SLC44A3: variants seen among roughly 807,000 people sequenced by gnomAD.
The protein encoded by SLC44A3 is solute carrier family 44 member 3.
A neutral mutation model predicts 75.4 loss-of-function variants in SLC44A3; 74 were observed. That is an observed-to-expected ratio of 0.98 (90% CI 0.81 to 1.19). The LOEUF (loss-of-function observed/expected upper bound fraction) is 1.19. SLC44A3 is among the 50% of genes most tolerant of loss of function. The pLI, the probability that SLC44A3 is intolerant of heterozygous loss-of-function variation, is 0.00. For missense variants in SLC44A3, 700 were observed against 778.6 expected, an observed-to-expected ratio of 0.90 and a Z score of 1.20; for synonymous variants, 310 against 296.9, an observed-to-expected ratio of 1.04 and a Z score of -0.45.
At chr1:94,877,869 C>T (rs913548910) in intron 12 of SLC44A3, among the ~76,000 whole-genome samples, 13 of 152,174 alleles carry the variant, frequency 8.5e-5, no homozygotes, top group African/African-American at 3.1e-4. Context: ...CGGGATGCAC[C>T]CCAGTGTGGG....
chr1:94,826,395 T>C (rs1437659710), intron 3 of SLC44A3, among the ~76,000 whole-genome samples: 1 of 152,208 alleles, frequency 6.6e-6, no homozygotes, highest in Non-Finnish European at 1.5e-5. Flanking sequence ...CTCATGCCTG[T>C]AATCCCAACA....
chr1:94,822,483 T>C (rs1166130913), intron 2 of SLC44A3, among the ~76,000 whole-genome samples: 1 of 152,146 alleles, frequency 6.6e-6, no homozygotes, highest in African/African-American at 2.4e-5. Flanking sequence ...CAAGGAGTGT[T>C]TTGTTTTTGG....
chr1:94,889,946 G>A (rs1235798654), intron 12 of SLC44A3, among the ~76,000 whole-genome samples: 1 of 151,974 alleles, frequency 6.6e-6, no homozygotes, highest in Non-Finnish European at 1.5e-5. Flanking sequence ...CGCCTCCCGG[G>A]TTCAAGCAAT....
At chr1:94,830,229 T>C (rs1661941677) in intron 5 of SLC44A3, among the ~76,000 whole-genome samples, 1 of 152,224 alleles carries the variant, frequency 6.6e-6, no homozygotes, top group African/African-American at 2.4e-5. Flanking sequence ...TTCTTTTTTT[T>C]GAGACAGAGT....
intron 12 of SLC44A3, among the ~76,000 whole-genome samples, chr1:94,877,742 C>T (rs1028430062): frequency 3.3e-5 from 5 of 152,196 alleles, no homozygotes; most frequent in Non-Finnish European, 5.9e-5. Context: ...GTGGTTTCCT[C>T]TTCTCTGTCT....
At chr1:94,856,213 T>C (rs1304573461) in intron 9 of SLC44A3, among the ~76,000 whole-genome samples, 1 of 152,194 alleles carries the variant, frequency 6.6e-6, no homozygotes, top group Admixed American at 6.5e-5. Flanking sequence ...TGGCGCGATA[T>C]GTCTATGGGT....
intron 9 of SLC44A3, among the ~76,000 whole-genome samples, chr1:94,849,128 C>T (rs1420130901): frequency 6.6e-6 from 1 of 152,094 alleles, no homozygotes; most frequent in East Asian, 1.9e-4. Context: ...CAAGAGAGAC[C>T]TGGAGGTTAT....
chr1:94,833,757 TA>T lies in SLC44A3; in HGVS notation c.510-3942del, dbSNP rs1015200717. Among the ~76,000 whole-genome samples, 406 of 147,144 alleles carry T rather than the reference TA, an allele frequency of 2.8e-3. 1 individual carries two copies. Among genetic ancestry groups the T allele is most frequent in the African/African-American group, 7.9e-3 (320 of 40,360 alleles). The stretch of plus-strand genomic sequence containing the variant: ...GGATGGAGTCACATGACAAGTCTAG[TA>T]AAAAAAAAAAATTTCAACTCTTCAA... On this transcript the variant is annotated intron_variant, in intron 5 of 14. Coordinates refer to ENST00000271227, the MANE Select transcript of SLC44A3 (RefSeq NM_001114106.3).
intron 5 of SLC44A3, among the ~76,000 whole-genome samples, chr1:94,836,454 T>A (rs779273586): frequency 1.3e-5 from 2 of 152,240 alleles, no homozygotes; most frequent in Non-Finnish European, 2.9e-5. Context: ...ATAGCAAGGC[T>A]CTCAAGCCTC....
At chr1:94,836,497 A>G (rs1176309423) in intron 5 of SLC44A3, among the ~76,000 whole-genome samples, 2 of 152,238 alleles carry the variant, frequency 1.3e-5, no homozygotes, top group African/African-American at 4.8e-5. Flanking sequence ...GAATTAAGCT[A>G]ATAGTGTCAT....
intron 9 of SLC44A3, among the ~76,000 whole-genome samples, chr1:94,854,226 G>A (rs1665570424): frequency 6.6e-6 from 1 of 152,226 alleles, no homozygotes; most frequent in African/African-American, 2.4e-5. Flanking sequence ...GTTGCTTAGG[G>A]GACAGTGCAG....
At chr1:94,842,797 C>T (rs1663839890) in intron 8 of SLC44A3, among the ~76,000 whole-genome samples, 1 of 152,238 alleles carries the variant, frequency 6.6e-6, no homozygotes, top group Non-Finnish European at 1.5e-5. Context: ...TTCTGTGGAG[C>T]AGCTGCAGCC....
chr1:94,820,507 G>C lies in SLC44A3; in HGVS notation c.27+29G>C, dbSNP rs757187600. ...AGCGCTCGCAGCCTCGGCCCTCGGG[G>C]GAGGAGCCCCGGGGAAGGGTCGAGT... is the stretch of plus-strand genomic sequence containing the variant. On this transcript the variant is annotated intron_variant, in intron 1 of 14. Transcript: ENST00000271227. The C allele has an allele frequency of 3.4e-6, 5 of 1,487,098 alleles. No homozygotes were observed. In the African/African-American group the frequency reaches 4.3e-5, roughly 13 times the overall value. The allele number at this position is 1,487,098 out of a possible 1,614,324, so 92.1% of individuals were successfully genotyped here.
chr1:94,855,053 G>C (rs1665707011), intron 9 of SLC44A3, among the ~76,000 whole-genome samples: 1 of 152,176 alleles, frequency 6.6e-6, no homozygotes, highest in African/African-American at 2.4e-5. Flanking sequence ...CTTCTTTGGG[G>C]AGTGCCAAAT....
At chr1:94,821,307 C>T (rs1466969060) in intron 2 of SLC44A3, among the ~76,000 whole-genome samples, 1 of 152,168 alleles carries the variant, frequency 6.6e-6, no homozygotes, top group Non-Finnish European at 1.5e-5. Context: ...AATGTGATTG[C>T]TATTTAGTAA....
chr1:94,821,035 C>T lies in SLC44A3; in HGVS notation c.114C>T (p.Phe38=), dbSNP rs1283047600. The change falls in exon 2 of 15, where the codon TTC becomes TTT. Residue 38 remains phenylalanine, a synonymous_variant. Coordinates refer to ENST00000271227, the MANE Select transcript of SLC44A3 (RefSeq NM_001114106.3). ...CAGATACGGCATGGTTATTCCTGTT[C>T]TTTCTCTTTTGGACTGGTTTGGTAA... is the stretch of plus-strand genomic sequence containing the variant. ...KCTDTAWLFL[F]FLFWTGLVFI... 1.6e-5 allele frequency: 25 copies of T among 1,551,142 alleles called. No individual in the cohort carries two copies. Among genetic ancestry groups the T allele is most frequent in the Non-Finnish European group, 2.1e-5 (24 of 1,146,746 alleles).
At chr1:94,855,480 A>T (rs11165264) in intron 9 of SLC44A3, 2 of 152,024 alleles carry the variant, frequency 1.3e-5, no homozygotes, top group Non-Finnish European at 2.9e-5. Flanking sequence ...GGGAGGGGCC[A>T]CCTCCTCTGG....
At chr1:94,892,646 C>A in intron 14 of SLC44A3, 129 bp downstream of exon 14, 1 of 894,962 alleles carries the variant, frequency 1.1e-6, no homozygotes, top group Non-Finnish European at 1.7e-6. Flanking sequence ...CTTCTACTAC[C>A]CCCGGGCCTG....
intron 12 of SLC44A3, among the ~76,000 whole-genome samples, chr1:94,871,572 G>A (rs948764938): frequency 6.6e-6 from 1 of 152,146 alleles, no homozygotes. Flanking sequence ...CTCCCTAAGT[G>A]CACATCTCTT....
Sources: gnomAD v4.1 joint callset for allele counts (sites outside exome capture counted in the v4.1 genomes callset) on GRCh38, gnomAD v4.1.1 for gene constraint, MANE v1.5 for transcripts, NCBI Gene and HGNC (gene_info 2026-07-23, HGNC 2026-07-21) for gene names.